ARHGAP15: variants seen among roughly 807,000 people sequenced by gnomAD.
ARHGAP15 encodes the protein Rho GTPase activating protein 15.
ARHGAP15 carries 51 observed loss-of-function variants against 63.7 expected under a neutral mutation model. That is an observed-to-expected ratio of 0.80 (90% confidence interval 0.64 to 1.01). The LOEUF (loss-of-function observed/expected upper bound fraction) is 1.01. ARHGAP15 is among the 50% of genes least tolerant of loss of function. The probability of loss-of-function intolerance (pLI) is 0.00; values close to 1 mark genes in which losing one functional copy is unlikely to be tolerated. For missense variants in ARHGAP15, 560 were observed against 564.6 expected (o/e 0.99, Z 0.08); for synonymous variants, 191 against 193.8 (o/e 0.99, Z 0.12).
At chr2:143,289,529 A>T (rs1004583331) in intron 6 of ARHGAP15, among the ~76,000 whole-genome samples, 4 of 152,188 alleles carry the variant, frequency 2.6e-5, no homozygotes, top group Admixed American at 6.5e-5. Context: ...AAGGCAGTAG[A>T]CACGATAGCA....
chr2:143,685,583 T>TACAA (rs1351085757), intron 12 of ARHGAP15, among the ~76,000 whole-genome samples: 1 of 152,302 alleles, frequency 6.6e-6, no homozygotes, highest in African/African-American at 2.4e-5. Context: ...ATAGTATACA[T>TACAA]ACAAACATCT....
intron 4 of ARHGAP15, among the ~76,000 whole-genome samples, chr2:143,227,218 T>C (rs566617875): frequency 7.9e-5 from 12 of 152,300 alleles, no homozygotes; most frequent in Admixed American, 6.5e-4. Context: ...AAGCAATATG[T>C]GTTCAATGCA....
chr2:143,646,080 G>A (rs12691685), intron 12 of ARHGAP15, among the ~76,000 whole-genome samples: 123,124 of 151,984 alleles, frequency 0.81, 52,151 homozygotes, highest in South Asian at 0.96. Flanking sequence ...AGTAAGATGA[G>A]CAGGGCATGG....
chr2:143,491,771 A>C (rs1692589718), intron 9 of ARHGAP15, among the ~76,000 whole-genome samples: 1 of 152,240 alleles, frequency 6.6e-6, no homozygotes, highest in South Asian at 2.1e-4. Context: ...TCTTATCTTC[A>C]GTGTTGTAAT....
rs1193815075 is a variant in ARHGAP15 at position 143,508,092 on chromosome 2, T to C, written c.827-11174T>C. Among the ~76,000 whole-genome samples the C allele has an allele frequency of 2.0e-5, 3 of 152,172 alleles. No individual in the cohort carries two copies. In the East Asian group the frequency reaches 5.8e-4, roughly 29 times the overall value. On this transcript the variant is annotated intron_variant, in intron 9 of 13. Transcript: ENST00000295095. ...AAACTCATTCTTAATATCTAATGTG[T>C]GTCCTTCCTGTGACCTATAGGGTCC...
At chr2:143,330,743 T>TTAA (rs1684512841) in intron 6 of ARHGAP15, among the ~76,000 whole-genome samples, 1 of 152,228 alleles carries the variant, frequency 6.6e-6, no homozygotes, top group African/African-American at 2.4e-5. Flanking sequence ...GCAATAAATA[T>TTAA]ACACAGGATG....
At chr2:143,291,728 A>G (rs1049491417) in intron 6 of ARHGAP15, among the ~76,000 whole-genome samples, 8 of 152,086 alleles carry the variant, frequency 5.3e-5, no homozygotes, top group Non-Finnish European at 1.2e-4. Context: ...TTTAATTTGA[A>G]TGGGCTGATT....
At chr2:143,348,295 G>T (rs1388378165) in intron 6 of ARHGAP15, among the ~76,000 whole-genome samples, 2 of 152,128 alleles carry the variant, frequency 1.3e-5, no homozygotes, top group African/African-American at 4.8e-5. Flanking sequence ...TGCAGAGTAA[G>T]TTATGTAAAT....
chr2:143,682,769 T>C (rs1388693733), intron 12 of ARHGAP15: 2 of 152,194 alleles, frequency 1.3e-5, no homozygotes, highest in Non-Finnish European at 1.5e-5. Context: ...CTATATACTT[T>C]GCTAATTTGA....
intron 11 of ARHGAP15, among the ~76,000 whole-genome samples, chr2:143,614,886 G>T (rs750731241): frequency 1.6e-4 from 24 of 152,208 alleles, no homozygotes; most frequent in Non-Finnish European, 2.8e-4. Context: ...ACTATCGGCA[G>T]AGACCGGGAA....
At chr2:143,452,626 T>C (rs1224345427) in intron 8 of ARHGAP15, among the ~76,000 whole-genome samples, 1 of 151,010 alleles carries the variant, frequency 6.6e-6, no homozygotes, top group Non-Finnish European at 1.5e-5. Flanking sequence ...TGCACCCTTG[T>C]AGCAAGAGTC....
intron 6 of ARHGAP15, among the ~76,000 whole-genome samples, chr2:143,337,174 A>T (rs946759091): frequency 2.0e-5 from 3 of 152,104 alleles, no homozygotes; most frequent in African/African-American, 7.2e-5. Flanking sequence ...GAGTGAAGAG[A>T]GTGTGCAAAA....
At chr2:143,753,876 C>G (rs1686474731) in intron 13 of ARHGAP15, among the ~76,000 whole-genome samples, 2 of 152,190 alleles carry the variant, frequency 1.3e-5, no homozygotes, top group African/African-American at 4.8e-5. Context: ...GAAAGACACA[C>G]TGAACAATTA....
intron 6 of ARHGAP15, among the ~76,000 whole-genome samples, chr2:143,428,395 C>T (rs558572283): frequency 1.3e-5 from 2 of 151,630 alleles, no homozygotes; most frequent in Non-Finnish European, 2.9e-5. Context: ...CACTGCACTG[C>T]AACAGCTGTG....
chr2:143,470,980 C>CAT (rs1351996877), intron 8 of ARHGAP15, among the ~76,000 whole-genome samples: 1 of 141,672 alleles, frequency 7.1e-6, no homozygotes, highest in Non-Finnish European at 1.6e-5. Flanking sequence ...TACATACACA[C>CAT]GTGTATCATA....
intron 6 of ARHGAP15, among the ~76,000 whole-genome samples, chr2:143,268,804 C>T (rs1000949115): frequency 3.3e-5 from 5 of 151,882 alleles, no homozygotes; most frequent in Non-Finnish European, 7.4e-5. Flanking sequence ...GAGAAATATT[C>T]AAATTAAGAG....
rs149854456 is a variant in ARHGAP15 at position 143,696,797 on chromosome 2, T to A, written c.1139-6622T>A. Reference sequence around the variant, plus strand: ...GAAATCTGGTGTAGAAAAGAGGTGATCAGTTCCAACTCTCAGGTGATCCTC... The same window carrying A: ...GAAATCTGGTGTAGAAAAGAGGTGAACAGTTCCAACTCTCAGGTGATCCTC... On this transcript the variant is annotated intron_variant, in intron 12 of 13. Coordinates refer to ENST00000295095, the MANE Select transcript of ARHGAP15 (RefSeq NM_018460.4). 1.6e-3 allele frequency among the ~76,000 whole-genome samples: 245 copies of A among 152,224 alleles called. 2 individuals carry two copies. Among genetic ancestry groups the A allele is most frequent in the Admixed American group, 0.013 (196 of 15,270 alleles).
At chr2:143,374,597 T>C (rs567804243) in intron 6 of ARHGAP15, among the ~76,000 whole-genome samples, 25 of 152,182 alleles carry the variant, frequency 1.6e-4, no homozygotes, top group African/African-American at 6.0e-4. Context: ...CTCAACTCCC[T>C]GGACTCAAAA....
rs958714427 is a variant in ARHGAP15, at chr2:143,551,589, C to CA, written c.926-4811dup. Among the ~76,000 whole-genome samples the CA allele has an allele frequency of 7.0e-4, 105 of 150,926 alleles. 1 individual carries two copies. Among genetic ancestry groups the CA allele is most frequent in the African/African-American group, 1.8e-3 (76 of 41,164 alleles). On this transcript the variant is annotated intron_variant, in intron 10 of 13. Transcript: ENST00000295095. ...TGTTTTTTTAACCATGGAAATATAG[C>CA]AAAAAAAACTATATATTTTTAGAAT...
Sources: gnomAD v4.1 joint callset for allele counts (sites outside exome capture counted in the v4.1 genomes callset) on GRCh38, gnomAD v4.1.1 for gene constraint, MANE v1.5 for transcripts, NCBI Gene and HGNC (gene_info 2026-07-23, HGNC 2026-07-21) for gene names.